Variants in WDR59 observed in about 807,000 individuals in gnomAD.
WDR59 encodes the protein GATOR2 complex protein WDR59.
Under a neutral mutation model 131.2 loss-of-function variants are expected in WDR59, and 100 were observed. That is an observed-to-expected ratio of 0.76 (90% CI 0.65 to 0.90). The LOEUF is 0.90. Ranked by LOEUF, WDR59 falls within the 40% of genes least tolerant of loss-of-function variation. WDR59 has a pLI of 0.00. For synonymous variants in WDR59, 601 were observed against 466.2 expected, an observed-to-expected ratio of 1.29 and a Z score of -3.72; for missense variants, 1,203 against 1,262.2, an observed-to-expected ratio of 0.95 and a Z score of 0.71.
At chr16:74,942,498 G>A (rs1458703149) in intron 7 of WDR59, among the ~76,000 whole-genome samples, 1 of 152,130 alleles carries the variant, frequency 6.6e-6, no homozygotes, top group East Asian at 1.9e-4. Context: ...TCATAATTAG[G>A]AGGTGGCAAA....
chr16:74,956,431 G>A (rs913500211), intron 3 of WDR59, 44 bp downstream of exon 3: 44 of 1,598,882 alleles, frequency 2.8e-5, no homozygotes, highest in Non-Finnish European at 3.7e-5. Context: ...AGCCCCAGAT[G>A]ACACATTTAA....
chr16:74,897,595 T>C (rs1313160703), intron 18 of WDR59, among the ~76,000 whole-genome samples: 1 of 152,190 alleles, frequency 6.6e-6, no homozygotes, highest in Non-Finnish European at 1.5e-5. Context: ...CCGTATTGGA[T>C]GGATAAGAGG....
intron 2 of WDR59, 93 bp downstream of exon 2, chr16:74,965,680 G>T: frequency 6.8e-7 from 1 of 1,465,970 alleles, no homozygotes; most frequent in Admixed American, 1.7e-5. Context: ...ATCATAATCC[G>T]TAAATATAAG....
At chr16:74,965,223 C>T (rs1283283409) in intron 2 of WDR59, among the ~76,000 whole-genome samples, 5 of 152,216 alleles carry the variant, frequency 3.3e-5, no homozygotes, top group South Asian at 4.1e-4. Context: ...CCCAATAGTA[C>T]GATGTTAGGG....
chr16:74,972,645 C>A (rs1367643586), intron 1 of WDR59, among the ~76,000 whole-genome samples: 1 of 150,538 alleles, frequency 6.6e-6, no homozygotes, highest in Non-Finnish European at 1.5e-5. Flanking sequence ...ACCAGCCTGG[C>A]CAACATGGCT....
chr16:74,874,641 G>A (rs1015247376), intron 25 of WDR59, among the ~76,000 whole-genome samples, 197 bp from the exon 26 acceptor site: 2 of 152,064 alleles, frequency 1.3e-5, no homozygotes, highest in African/African-American at 4.8e-5. Context: ...TGTCACCCAG[G>A]CTCGAGTGCA....
At chr16:74,964,961 A>G (rs886292260) in intron 2 of WDR59, among the ~76,000 whole-genome samples, 5 of 151,932 alleles carry the variant, frequency 3.3e-5, no homozygotes, top group African/African-American at 4.8e-5. Context: ...CTACCTGGGA[A>G]GCTGAGGCAG....
chr16:74,968,551 T>C (rs1567440412), intron 1 of WDR59, among the ~76,000 whole-genome samples: 1 of 152,104 alleles, frequency 6.6e-6, no homozygotes, highest in Non-Finnish European at 1.5e-5. Flanking sequence ...CGAAACCCCA[T>C]TTCTACTAAA....
chr16:74,962,330 T>C (rs993285099), intron 2 of WDR59, among the ~76,000 whole-genome samples: 1 of 152,126 alleles, frequency 6.6e-6, no homozygotes, highest in African/African-American at 2.4e-5. Context: ...AGAATGTCAA[T>C]GGTAGTTTAA....
chr16:74,900,572 C>T (rs1965505484), intron 18 of WDR59, among the ~76,000 whole-genome samples: 1 of 152,140 alleles, frequency 6.6e-6, no homozygotes, highest in Non-Finnish European at 1.5e-5. Flanking sequence ...CTGATCTACC[C>T]TAGGAATGAA....
intron 10 of WDR59, among the ~76,000 whole-genome samples, chr16:74,919,162 T>A (rs1241156824): frequency 6.6e-6 from 1 of 152,100 alleles, no homozygotes; most frequent in African/African-American, 2.4e-5. Flanking sequence ...CCCTTGTATC[T>A]TCTCCCTGCC....
intron 7 of WDR59, among the ~76,000 whole-genome samples, chr16:74,941,264 C>T (rs1344619962): frequency 6.7e-6 from 1 of 149,872 alleles, no homozygotes. Context: ...TAGCTTGAGC[C>T]CAAGAGGTCG....
At chr16:74,920,410 A>T (rs79688367) in intron 10 of WDR59, among the ~76,000 whole-genome samples, 1,597 of 151,894 alleles carry the variant, frequency 0.011, 26 homozygotes, top group South Asian at 0.056. Flanking sequence ...ATATATATAT[A>T]TTTTTTCTTT....
chr16:74,909,163 G>A lies in WDR59; in HGVS notation c.1643-186C>T, dbSNP rs548008004. On this transcript the variant is annotated intron_variant, in intron 16 of 25. Transcript: ENST00000262144. ...ACAAAGGTCAGCGCTCCAGGATCCAGGAGAGAGGATGTATGTGGACTGGGC... is the reference window on the plus strand; with the variant it reads ...ACAAAGGTCAGCGCTCCAGGATCCAAGAGAGAGGATGTATGTGGACTGGGC... Among the ~76,000 whole-genome samples the A allele has an allele frequency of 2.6e-4, 40 of 152,242 alleles. 2 individuals are homozygous for A. Among genetic ancestry groups the A allele is most frequent in the South Asian group, 1.0e-3 (5 of 4,810 alleles).
rs1216748178 is a variant in WDR59 at position 74,951,530 on chromosome 16, A to T, written c.254T>A (p.Val85Glu). 6.3e-7 allele frequency: 1 copy of T among 1,596,104 alleles called. No homozygotes were observed. Among genetic ancestry groups the T allele is most frequent in the Admixed American group, 1.8e-5 (1 of 56,700 alleles). Residue 85 changes from valine (V) to glutamate (E), a missense_variant, in exon 4 of 26, where the codon GTA (valine) becomes GAA (glutamate). Transcript: ENST00000262144. ...GCCGTCTTTCCACTTGTAAAGGTCT[A>T]CTCGTTGGTTACTCTGAAAAGAAAG... ...HYFAASSNQR[V>E]DLYKWKDGSG...
chr16:74,896,287 T>C (rs533260419), intron 18 of WDR59, among the ~76,000 whole-genome samples: 51 of 152,302 alleles, frequency 3.3e-4, no homozygotes, highest in African/African-American at 1.1e-3. Flanking sequence ...CACAGCTGAA[T>C]TGAAGGCCTC....
intron 7 of WDR59, among the ~76,000 whole-genome samples, chr16:74,942,411 C>T (rs1241038271): frequency 6.6e-6 from 1 of 152,148 alleles, no homozygotes; most frequent in East Asian, 1.9e-4. Context: ...GGCTTAACCC[C>T]ACTGACACAC....
intron 1 of WDR59, among the ~76,000 whole-genome samples, chr16:74,974,996 A>G (rs988776569): frequency 6.6e-5 from 10 of 152,160 alleles, no homozygotes; most frequent in African/African-American, 9.6e-5. Context: ...AAGCCTCCTT[A>G]TAAGTCACTG....
At chr16:74,882,841 GAAAGA>G (rs1412916337) in intron 25 of WDR59, among the ~76,000 whole-genome samples, 151 of 124,642 alleles carry the variant, frequency 1.2e-3, no homozygotes, top group Non-Finnish European at 1.8e-3. Flanking sequence ...AAGAAAGAAA[GAAAGA>G]AAAGAAAAGA....
Sources: gnomAD v4.1 joint callset for allele counts (sites outside exome capture counted in the v4.1 genomes callset) on GRCh38, gnomAD v4.1.1 for gene constraint, MANE v1.5 for transcripts, NCBI Gene and HGNC (gene_info 2026-07-23, HGNC 2026-07-21) for gene names.